GABRG3: variants seen among roughly 807,000 people sequenced by gnomAD.
The protein encoded by GABRG3 is gamma-aminobutyric acid receptor subunit gamma-3.
GABRG3 carries 25 observed loss-of-function variants against 48.8 expected under a neutral mutation model. That is an observed-to-expected ratio of 0.51 (90% CI 0.37 to 0.72). The LOEUF is 0.72. Among genes scored for constraint, GABRG3 ranks in the 30% least tolerant of loss-of-function variants. GABRG3 has a pLI of 0.00. For missense variants in GABRG3, 394 were observed against 577.9 expected (o/e 0.68, Z 3.26); for synonymous variants, 227 against 217.6 (o/e 1.04, Z -0.38).
intron 3 of GABRG3, among the ~76,000 whole-genome samples, chr15:27,287,287 A>G (rs1383422041): frequency 1.3e-5 from 2 of 152,228 alleles, no homozygotes. Context: ...AGAACATCAG[A>G]AAAATGGGCC....
chr15:27,437,265 A>G (rs1172431044), intron 5 of GABRG3, among the ~76,000 whole-genome samples: 1 of 152,180 alleles, frequency 6.6e-6, no homozygotes, highest in Non-Finnish European at 1.5e-5. Context: ...TTTGGCAAAC[A>G]AGTTTATATG....
rs139042929 is a variant in GABRG3, at chr15:27,236,804, G to A, written c.271-90005G>A. 6.6e-6 allele frequency among the ~76,000 whole-genome samples: 1 copy of A among 152,302 alleles called. No individual in the cohort carries two copies. The highest frequency in any genetic ancestry group is 1.9e-4 in the East Asian group (1 of 5,174). On this transcript the variant is annotated intron_variant, in intron 3 of 9. Transcript: ENST00000615808. This position sits in a 1 kb window ranked among gnomAD's most constrained non-coding sequence, Gnocchi z 4.4. ...ATTTTTTTAACATGGGTCCCATGAA[G>A]AGGCATGAAGCGCAATTGCACGTGT...
At chr15:27,306,974 T>C (rs1270330944) in intron 3 of GABRG3, among the ~76,000 whole-genome samples, 3 of 44,746 alleles carry the variant, frequency 6.7e-5, no homozygotes, top group African/African-American at 1.8e-4. Context: ...TATATAAACA[T>C]ATATAATATA....
chr15:27,381,799 T>A (rs2140564982), intron 5 of GABRG3, among the ~76,000 whole-genome samples: 1 of 152,346 alleles, frequency 6.6e-6, no homozygotes, highest in East Asian at 1.9e-4. Context: ...GCTGGTGATT[T>A]CAGCTTTTTC....
chr15:27,420,747 G>A (rs1303975623), intron 5 of GABRG3: 4 of 152,168 alleles, frequency 2.6e-5, no homozygotes, highest in Non-Finnish European at 4.4e-5. Context: ...TTAAAGAGGT[G>A]CAGGCAGGAT....
intron 5 of GABRG3, among the ~76,000 whole-genome samples, chr15:27,472,367 C>A (rs1351712228): frequency 6.6e-6 from 1 of 152,126 alleles, no homozygotes; most frequent in Non-Finnish European, 1.5e-5. Flanking sequence ...CCTCTGCCTC[C>A]CGGGTTCAAG....
At chr15:27,014,049 A>C (rs765441923) in intron 2 of GABRG3, among the ~76,000 whole-genome samples, 5 of 152,128 alleles carry the variant, frequency 3.3e-5, no homozygotes, top group Admixed American at 6.5e-5. Context: ...AATGTTTTGT[A>C]GTTTTTGGTG....
At chr15:27,241,917 G>T (rs543512945) in intron 3 of GABRG3, among the ~76,000 whole-genome samples, 45 of 152,304 alleles carry the variant, frequency 3.0e-4, no homozygotes, top group African/African-American at 1.1e-3. Context: ...TATAAGTTAA[G>T]AATTGAATTT....
At chr15:27,228,461 A>G (rs1393464598) in intron 3 of GABRG3, among the ~76,000 whole-genome samples, 1 of 152,188 alleles carries the variant, frequency 6.6e-6, no homozygotes, top group East Asian at 1.9e-4. Flanking sequence ...TATCCAGTCT[A>G]CCGTTGATGG....
rs932942900 is a variant in GABRG3, at chr15:27,447,301, C to T, written c.575-33349C>T. Among the ~76,000 whole-genome samples, 7 of 152,100 alleles carry T rather than the reference C, an allele frequency of 4.6e-5. No homozygotes were observed. The highest frequency in any genetic ancestry group is 2.1e-4 in the South Asian group (1 of 4,818). ...CCTGCAGCACCCCAGGGAAAGGAGTCGAGCATGGCTGAGACTGGGCATGTA... is the reference window on the plus strand; with the variant it reads ...CCTGCAGCACCCCAGGGAAAGGAGTTGAGCATGGCTGAGACTGGGCATGTA... On this transcript the variant is annotated intron_variant, in intron 5 of 9. Transcript: ENST00000615808. The surrounding 1 kb of genome is among the most constrained non-coding windows in gnomAD (Gnocchi z 4.0).
intron 5 of GABRG3, among the ~76,000 whole-genome samples, chr15:27,416,227 C>G (rs956812273): frequency 7.2e-5 from 11 of 152,138 alleles, no homozygotes; most frequent in African/African-American, 2.7e-4. Context: ...AAAATGGCCT[C>G]TAATCATATG....
chr15:27,495,416 T>C (rs1231671607), intron 6 of GABRG3, among the ~76,000 whole-genome samples: 1 of 152,220 alleles, frequency 6.6e-6, no homozygotes, highest in African/African-American at 2.4e-5. Context: ...TTGTGAATGA[T>C]GCTGTTGTGA....
At chr15:27,328,913 T>G (rs557429798) in intron 5 of GABRG3, 25 bp downstream of exon 5, 1 of 1,590,432 alleles carries the variant, frequency 6.3e-7, no homozygotes, top group African/African-American at 1.3e-5. Context: ...AAGCCCGGGG[T>G]GTGCATGCTG....
chr15:27,493,308 G>A (rs1890400949), intron 6 of GABRG3, among the ~76,000 whole-genome samples: 1 of 151,826 alleles, frequency 6.6e-6, no homozygotes, highest in Non-Finnish European at 1.5e-5. Flanking sequence ...ATAAACATGA[G>A]AATTTTTTTT....
chr15:27,261,352 C>T (rs190149130), intron 3 of GABRG3, among the ~76,000 whole-genome samples: 3 of 151,924 alleles, frequency 2.0e-5, no homozygotes, highest in Admixed American at 1.3e-4. Context: ...GAAGGTATTA[C>T]CTAGAGATCT....
intron 2 of GABRG3, among the ~76,000 whole-genome samples, chr15:27,026,457 G>T (rs1011807225): frequency 6.6e-6 from 1 of 152,202 alleles, no homozygotes; most frequent in Non-Finnish European, 1.5e-5. Context: ...CTTAAGTAAC[G>T]TTACGGTATA....
chr15:27,475,472 C>T (rs1031484226), intron 5 of GABRG3, among the ~76,000 whole-genome samples: 21 of 151,432 alleles, frequency 1.4e-4, no homozygotes, highest in African/African-American at 4.6e-4. Flanking sequence ...ATGATGATGG[C>T]AATGATGATA....
chr15:27,183,550 A>C (rs1888000775), intron 3 of GABRG3, among the ~76,000 whole-genome samples: 1 of 152,228 alleles, frequency 6.6e-6, no homozygotes, highest in African/African-American at 2.4e-5. Context: ...CTGGACCTTA[A>C]AAAACTGTTG....
At position 26,971,441 on chromosome 15, in the gene GABRG3, C is replaced by G; in HGVS notation, c.-95C>G. 1.9e-6 allele frequency: 2 copies of G among 1,070,306 alleles called. No individual in the cohort carries two copies. The highest frequency in any genetic ancestry group is 2.5e-6 in the Non-Finnish European group (2 of 792,250). The allele number at this position is 1,070,306 out of a possible 1,614,324, so 66.3% of individuals were successfully genotyped here. On this transcript the variant is annotated 5_prime_UTR_variant, in exon 1 of 10. Transcript: ENST00000615808. Reference sequence around the variant, plus strand: ...CCGCGGCCAGCAGCCTCGGAGGAAGCCAGGGCAAAGAGGGCCGGCGGAGAC... The same window carrying G: ...CCGCGGCCAGCAGCCTCGGAGGAAGGCAGGGCAAAGAGGGCCGGCGGAGAC...
Sources: allele counts gnomAD v4.1 joint callset (sites outside exome capture counted in the v4.1 genomes callset), GRCh38; gene constraint gnomAD v4.1.1; non-coding constraint Gnocchi (gnomAD v3.1); transcripts MANE v1.5; gene names NCBI Gene and HGNC (gene_info 2026-07-23, HGNC 2026-07-21).